The following RGS12 variants were observed in gnomAD, a reference collection of about 807,000 sequenced individuals.
The protein encoded by RGS12 is regulator of G protein signaling 12.
Under a neutral mutation model 120.1 loss-of-function variants are expected in RGS12, and 66 were observed. The ratio of observed to expected loss-of-function variants is 0.55; its 90% confidence interval spans 0.45 to 0.67. RGS12 has a LOEUF of 0.67. RGS12 is among the 30% of genes least tolerant of loss of function. The probability of loss-of-function intolerance (pLI) is 0.00; values close to 1 mark genes in which losing one functional copy is unlikely to be tolerated. For missense variants in RGS12, 1,859 were observed against 1,957.7 expected (o/e 0.95, Z 0.95); for synonymous variants, 827 against 804.7 (o/e 1.03, Z -0.47).
At chr4:3,339,506 T>A (rs1465457776) in intron 2 of RGS12, among the ~76,000 whole-genome samples, 1 of 152,110 alleles carries the variant, frequency 6.6e-6, no homozygotes, top group Admixed American at 6.5e-5. Context: ...TTAAACTCTC[T>A]TATCACTGTC....
upstream of RGS12, among the ~76,000 whole-genome samples, chr4:3,288,063 G>C (rs1284999162): frequency 6.6e-6 from 1 of 152,244 alleles, no homozygotes; most frequent in East Asian, 1.9e-4. The surrounding 1 kb of genome is among the most constrained non-coding windows in gnomAD (Gnocchi z 5.2). Flanking sequence ...AGACACCGTG[G>C]GCCCGTACCT....
chr4:3,327,936 A>G (rs1725672382), intron 2 of RGS12, among the ~76,000 whole-genome samples: 1 of 152,188 alleles, frequency 6.6e-6, no homozygotes, highest in South Asian at 2.1e-4. Flanking sequence ...AGATACCTGC[A>G]CTCTTCTGTT....
the RGS12 span, among the ~76,000 whole-genome samples, chr4:3,286,074 A>C: frequency 6.6e-6 from 1 of 152,216 alleles, no homozygotes; most frequent in Non-Finnish European, 1.5e-5. Flanking sequence ...CAGATGCCTG[A>C]GGTGAGCAAG....
chr4:3,383,819 T>A (rs1260873457), intron 3 of RGS12, among the ~76,000 whole-genome samples: 2 of 152,210 alleles, frequency 1.3e-5, no homozygotes, highest in Admixed American at 1.3e-4. Flanking sequence ...CCATATTCTT[T>A]GGCCTCTCAG....
rs933272594 is a variant in RGS12 at position 3,439,506 on chromosome 4, T to C, written c.4166T>C (p.Val1389Ala). 6 of 1,612,676 alleles carry C rather than the reference T, an allele frequency of 3.7e-6. No individual in the cohort carries two copies. The East Asian group carries it at 8.9e-5, about 24-fold the overall frequency. Residue 1389 changes from valine to alanine, a missense_variant, in exon 18 of 18, where the codon GTG becomes GCG. Val to Ala is a moderately conservative substitution (Grantham distance 64, BLOSUM62 0). Coordinates refer to ENST00000336727, the MANE Select transcript of RGS12 (RefSeq NM_001394154.1). ...RDLPVNRIIDVDLVTGSAPGR... is the reference protein window; with the variant it reads ...RDLPVNRIIDADLVTGSAPGR... Reference sequence around the variant, plus strand: ...CTCCCAGTCAACAGAATCATCGATGTGGATCTTGTAACTGGCTCGGCGCCC... The same window carrying C: ...CTCCCAGTCAACAGAATCATCGATGCGGATCTTGTAACTGGCTCGGCGCCC...
intron 1 of RGS12, among the ~76,000 whole-genome samples, chr4:3,308,845 C>T (rs1724123001): frequency 1.3e-5 from 2 of 152,244 alleles, no homozygotes; most frequent in South Asian, 4.1e-4. Flanking sequence ...CTGTTGCATC[C>T]CGGGTTACCT....
intron 4 of RGS12, among the ~76,000 whole-genome samples, chr4:3,402,988 A>G (rs1014763669): frequency 3.9e-5 from 6 of 152,184 alleles, no homozygotes; most frequent in African/African-American, 1.4e-4. Context: ...GGTAGCTCTA[A>G]GCCTAGAATC....
At position 3,430,706 on chromosome 4, in the gene RGS12, C is replaced by G. The variant is rs753911006; in HGVS notation, c.3865C>G (p.Pro1289Ala). The change falls in exon 17 of 18, where the codon CCC becomes GCC. Residue 1289 changes from proline to alanine, a missense_variant. Transcript: ENST00000336727. ...SSPPGPPGTT[P>A]PGQKSPSGPF... ...CCCCCCTGGACCTCCTGGGACGACC[C>G]CCCCCGGGCAGAAGTCTCCCAGCGG... 7 of 1,577,538 alleles carry G rather than the reference C, an allele frequency of 4.4e-6. No individual in the cohort carries two copies. The highest frequency in any genetic ancestry group is 2.3e-5 in the East Asian group (1 of 44,364).
Position 3,317,961 on chromosome 4 carries a change from C to T in RGS12, c.1791C>T (p.Ala597=), listed in dbSNP as rs764722251. The change falls in exon 2 of 18, where the codon GCC becomes GCT. Residue 597 remains alanine (A), a synonymous_variant. Coordinates refer to ENST00000336727, the MANE Select transcript of RGS12 (RefSeq NM_001394154.1). The part of the protein sequence containing the change: ...EGSFAQPPLN[A]PKREWSRKAF... ...GCTTCGCGCAGCCCCCGCTGAATGC[C>T]CCGAAGAGGGAGTGGTCCAGGAAGG... The T allele has an allele frequency of 1.9e-5, 31 of 1,613,752 alleles. No individual in the cohort carries two copies. In the African/African-American group the frequency reaches 4.1e-4, roughly 22 times the overall value.
chr4:3,315,514 G>A (rs1245044270), intron 1 of RGS12, among the ~76,000 whole-genome samples: 1 of 152,306 alleles, frequency 6.6e-6, no homozygotes, highest in East Asian at 1.9e-4. Context: ...ATTAATGTGG[G>A]AGGGTCATGG....
Position 3,367,888 on chromosome 4 carries a change from CCCCTAGCAGCCTGGG to C in RGS12, c.1999-18526_1999-18512del, listed in dbSNP as rs146066246. Reference sequence around the variant, plus strand: ...TAGTGACCGGACAGCAACAGGCGGACCCCTAGCAGCCTGGGCTGCTTTGTGGGCTTTGCGAATAAA... The same window carrying C: ...TAGTGACCGGACAGCAACAGGCGGACCTGCTTTGTGGGCTTTGCGAATAAA... On this transcript the variant is annotated intron_variant, in intron 3 of 17. Coordinates refer to ENST00000336727, the MANE Select transcript of RGS12 (RefSeq NM_001394154.1). 1.7e-3 allele frequency among the ~76,000 whole-genome samples: 253 copies of C among 152,366 alleles called. 5 individuals are homozygous for C. The East Asian group carries it at 0.047, about 28-fold the overall frequency.
chr4:3,357,181 T>C (rs1387553622), intron 3 of RGS12, among the ~76,000 whole-genome samples: 1 of 152,232 alleles, frequency 6.6e-6, no homozygotes, highest in Non-Finnish European at 1.5e-5. Context: ...ATATTTTCTT[T>C]GGAGAAATGT....
In RGS12 at chr4:3,402,908, C is replaced by T. The variant is rs945984094; in HGVS notation, c.2021-11164C>T. Among the ~76,000 whole-genome samples the T allele has an allele frequency of 2.0e-5, 3 of 152,266 alleles. No homozygotes were observed. The South Asian group carries it at 6.2e-4, about 32-fold the overall frequency. ...TTGATCTTTGAAAAATGTTCTGTGT[C>T]TTTTCTTGGAGCATCCTGAGGGCTC... On this transcript the variant is annotated intron_variant, in intron 4 of 17. Transcript: ENST00000336727.
intron 1 of RGS12, among the ~76,000 whole-genome samples, chr4:3,307,459 A>G (rs1724037344): frequency 6.6e-6 from 1 of 152,264 alleles, no homozygotes; most frequent in Admixed American, 6.5e-5. Context: ...GCCTTTATGT[A>G]AAACTTCATC....
intron 2 of RGS12, among the ~76,000 whole-genome samples, chr4:3,323,666 T>C (rs1725355492): frequency 6.6e-6 from 1 of 152,216 alleles, no homozygotes; most frequent in Admixed American, 6.5e-5. Context: ...CCTTAGACTG[T>C]TTCTATATTT....
intron 3 of RGS12, among the ~76,000 whole-genome samples, chr4:3,376,072 C>T (rs76250142): frequency 0.018 from 2,724 of 152,332 alleles, 66 homozygotes; most frequent in African/African-American, 0.059. Context: ...ATGGCCCCTA[C>T]TGCTGTCCCA....
chr4:3,386,196 G>A lies in RGS12; in HGVS notation c.1999-220G>A. On this transcript the variant is annotated intron_variant, in intron 3 of 17. Transcript: ENST00000336727. ...GGGATCTGTTCTTTTCACATGAAAA[G>A]GATGACTTCCTCTTGTTGGGTGTCA... 11 of 595,268 alleles carry A rather than the reference G, an allele frequency of 1.8e-5. No individual in the cohort carries two copies. In the South Asian group the frequency reaches 2.4e-4, roughly 13 times the overall value. 36.9% of individuals were successfully genotyped at this position (595,268 alleles called of 1,614,324 possible). A position where few individuals can be genotyped will look rare whatever the true frequency, so the allele number is the denominator to read the frequency against.
At chr4:3,310,737 G>T (rs1183347537) in intron 1 of RGS12, among the ~76,000 whole-genome samples, 1 of 152,100 alleles carries the variant, frequency 6.6e-6, no homozygotes, top group Non-Finnish European at 1.5e-5. Flanking sequence ...GTGAGGTGGT[G>T]GTGGGGGGAG....
At chr4:3,356,512 C>T (rs1181185335) in intron 3 of RGS12, among the ~76,000 whole-genome samples, 1 of 151,978 alleles carries the variant, frequency 6.6e-6, no homozygotes, top group Non-Finnish European at 1.5e-5. Flanking sequence ...AACTCTATAC[C>T]CCTTAAACAC....
Sources: allele counts gnomAD v4.1 joint callset (sites outside exome capture counted in the v4.1 genomes callset), GRCh38; gene constraint gnomAD v4.1.1; non-coding constraint Gnocchi (gnomAD v3.1); transcripts MANE v1.5; gene names NCBI Gene and HGNC (gene_info 2026-07-23, HGNC 2026-07-21).